Variants in RAD54B observed in about 807,000 individuals in gnomAD.
RAD54B encodes RAD54 homolog B.
Under a neutral mutation model 95.8 loss-of-function variants are expected in RAD54B, and 78 were observed. That is an observed-to-expected ratio of 0.81 (90% CI 0.68 to 0.98). The LOEUF (loss-of-function observed/expected upper bound fraction) is 0.98. Among genes scored for constraint, RAD54B ranks in the 50% least tolerant of loss-of-function variants. The pLI is 0.00. For missense variants in RAD54B, 957 were observed against 1,056.6 expected (o/e 0.91, Z 1.31); for synonymous variants, 328 against 354.9 (o/e 0.92, Z 0.85).
At position 94,441,118 on chromosome 8, in the gene RAD54B, C is replaced by T. The variant is rs541641415; in HGVS notation, c.304+17150G>A. 2.0e-5 allele frequency among the ~76,000 whole-genome samples: 3 copies of T among 152,362 alleles called. 1 individual carries two copies. The South Asian group carries it at 6.2e-4, about 32-fold the overall frequency. On this transcript the variant is annotated intron_variant, in intron 3 of 14. Coordinates refer to ENST00000336148, the MANE Select transcript of RAD54B (RefSeq NM_012415.3). ...CGGTGCATGCAGCCCCTGTCACGTA[C>T]TCCCTGCTTGCTCAAATCAATCACG...
chr8:94,411,744 ATT>A (rs1379877321), intron 3 of RAD54B, among the ~76,000 whole-genome samples: 6 of 118,168 alleles, frequency 5.1e-5, no homozygotes, highest in Non-Finnish European at 8.7e-5. Context: ...AAAACCTGAA[ATT>A]TTTGTTTATT....
At chr8:94,467,368 C>G in intron 2 of RAD54B, 37 bp downstream of exon 2, 1 of 1,512,934 alleles carries the variant, frequency 6.6e-7, no homozygotes, top group Non-Finnish European at 8.9e-7. Context: ...ACATGCTTCT[C>G]TATATTATCT....
intron 3 of RAD54B, chr8:94,428,995 T>G: frequency 3.1e-6 from 3 of 983,034 alleles, no homozygotes; most frequent in Non-Finnish European, 3.6e-6. Flanking sequence ...ATGTTAATCA[T>G]GGTTATACAA....
At chr8:94,471,270 G>A (rs1008940640) in intron 1 of RAD54B, among the ~76,000 whole-genome samples, 6 of 70,654 alleles carry the variant, frequency 8.5e-5, no homozygotes, top group African/African-American at 1.9e-4. Flanking sequence ...ATGGGTGGCG[G>A]GGGGGGGCAG....
Position 94,400,351 on chromosome 8 carries a change from G to C in RAD54B, c.1057C>G (p.Pro353Ala). Residue 353 changes from proline to alanine, a missense_variant, in exon 7 of 15, where the codon CCA becomes GCA. Physicochemically the swap from Pro to Ala is conservative, Grantham distance 27. Transcript: ENST00000336148. Reference protein sequence around the residue: ...LQCQGPYGGKPVIKKTLIVTP... With the variant: ...LQCQGPYGGKAVIKKTLIVTP... ...ACAATTAGTGTCTTCTTTATTACTG[G>C]CTTGCCTCCATAGGGTCCCTGACAC... 6.2e-7 allele frequency: 1 copy of C among 1,613,582 alleles called. No homozygotes were observed. Among genetic ancestry groups the C allele is most frequent in the Non-Finnish European group, 8.5e-7 (1 of 1,179,822 alleles).
chr8:94,409,989 A>AGTT (rs1270385503), intron 4 of RAD54B, among the ~76,000 whole-genome samples: 1 of 152,200 alleles, frequency 6.6e-6, no homozygotes, highest in East Asian at 1.9e-4. Flanking sequence ...CACTATACAC[A>AGTT]GTTGTTCCAT....
At position 94,430,891 on chromosome 8, in the gene RAD54B, A is replaced by G. The variant is rs576806830; in HGVS notation, c.305-19576T>C. 16 of 985,394 alleles carry G rather than the reference A, an allele frequency of 1.6e-5. No homozygotes were observed. In the African/African-American group the frequency reaches 2.6e-4, roughly 16 times the overall value. 61.0% of individuals were successfully genotyped at this position (985,394 alleles called of 1,614,324 possible). A position where few individuals can be genotyped will look rare whatever the true frequency, so the allele number is the denominator to read the frequency against. On this transcript the variant is annotated intron_variant, in intron 3 of 14. Coordinates refer to ENST00000336148, the MANE Select transcript of RAD54B (RefSeq NM_012415.3). ...ACTACAGCCCAAATTGACTCTCTCT[A>G]CATTCACTTAAAATCAATGGCTTAG... is the stretch of plus-strand genomic sequence containing the variant.
intron 1 of RAD54B, among the ~76,000 whole-genome samples, chr8:94,473,796 A>G (rs1027902672): frequency 1.3e-5 from 2 of 152,196 alleles, no homozygotes; most frequent in African/African-American, 4.8e-5. Flanking sequence ...TCGACTTCCA[A>G]CTACATTAGG....
intron 3 of RAD54B, among the ~76,000 whole-genome samples, chr8:94,452,861 G>GT (rs1812696005): frequency 6.6e-6 from 1 of 152,044 alleles, no homozygotes; most frequent in South Asian, 2.1e-4. Flanking sequence ...TAAATTGAAA[G>GT]CACAACAAAA....
chr8:94,471,973 A>G (rs1289171890), intron 1 of RAD54B, among the ~76,000 whole-genome samples: 2 of 152,044 alleles, frequency 1.3e-5, no homozygotes, highest in African/African-American at 4.8e-5. Context: ...AGCCAATTAA[A>G]CCATGATACA....
At chr8:94,465,056 A>G (rs973846573) in intron 2 of RAD54B, among the ~76,000 whole-genome samples, 5 of 152,200 alleles carry the variant, frequency 3.3e-5, no homozygotes, top group African/African-American at 1.2e-4. Context: ...GCCAACCTCA[A>G]ACACTGGAGG....
At chr8:94,428,109 A>G in intron 3 of RAD54B, 1 of 921,548 alleles carries the variant, frequency 1.1e-6, no homozygotes, top group Non-Finnish European at 1.3e-6. Flanking sequence ...TATCCATTAC[A>G]TTCATATGGA....
At chr8:94,382,097 G>C (rs570559299) in intron 11 of RAD54B, among the ~76,000 whole-genome samples, 120 of 136,932 alleles carry the variant, frequency 8.8e-4, no homozygotes, top group African/African-American at 3.1e-3. Flanking sequence ...CTGGGCGACA[G>C]AGCAAGACTC....
At chr8:94,392,023 A>G (rs1212674984) in intron 9 of RAD54B, 124 bp from the exon 10 acceptor site, 1 of 909,102 alleles carries the variant, frequency 1.1e-6, no homozygotes, top group East Asian at 2.6e-5. Context: ...TAAAAGAAAT[A>G]AAATATGAGT....
chr8:94,449,997 C>T (rs1246399768), intron 3 of RAD54B, among the ~76,000 whole-genome samples: 1 of 152,186 alleles, frequency 6.6e-6, no homozygotes, highest in East Asian at 1.9e-4. Context: ...GACTGGACTA[C>T]TGACTGTGTG....
intron 3 of RAD54B, among the ~76,000 whole-genome samples, chr8:94,443,294 G>A (rs1812443277): frequency 1.3e-5 from 2 of 151,992 alleles, no homozygotes; most frequent in African/African-American, 4.8e-5. Flanking sequence ...CACATTGTGG[G>A]GAACAACACA....
In RAD54B at chr8:94,458,373, G is replaced by A; in HGVS notation, c.199C>T (p.Leu67=). The A allele has an allele frequency of 1.2e-6, 2 of 1,607,108 alleles. No individual in the cohort carries two copies. The highest frequency in any genetic ancestry group is 1.7e-6 in the Non-Finnish European group (2 of 1,177,200). ...TCTCTAGTACTTTCTTCACTAGGCA[G>A]ATTTAAACTGCATATTCTAAGATCA... ...QNDLRICSLN[L]PSEESTREIN... Residue 67 remains leucine (L), a synonymous_variant, in exon 3 of 15, where the codon CTG becomes TTG. Coordinates refer to ENST00000336148, the MANE Select transcript of RAD54B (RefSeq NM_012415.3).
intron 1 of RAD54B, among the ~76,000 whole-genome samples, chr8:94,472,373 A>T (rs1368395953): frequency 1.3e-5 from 2 of 152,240 alleles, no homozygotes; most frequent in Non-Finnish European, 2.9e-5. Context: ...ACAGGACGAC[A>T]TGGATGTTAG....
chr8:94,399,586 A>C lies in RAD54B; in HGVS notation c.1206T>G (p.Phe402Leu), dbSNP rs1811220420. ...HKVEEFIKSI[F>L]YSVLIISYEM... ...CATAACTGATAATAAGAACAGAATA[A>C]AATATAGACTTGATGAATTCTTCAA... Residue 402 changes from phenylalanine (F) to leucine (L), a missense_variant, in exon 8 of 15, where the codon TTT becomes TTG. Transcript: ENST00000336148. The C allele has an allele frequency of 6.2e-7, 1 of 1,611,760 alleles. No individual in the cohort carries two copies. The highest frequency in any genetic ancestry group is 1.7e-5 in the Admixed American group (1 of 59,806).
Sources: allele counts gnomAD v4.1 joint callset (sites outside exome capture counted in the v4.1 genomes callset), GRCh38; gene constraint gnomAD v4.1.1; transcripts MANE v1.5; gene names NCBI Gene and HGNC (gene_info 2026-07-23, HGNC 2026-07-21).